Variants in FABP12 observed in about 807,000 individuals in gnomAD.
FABP12 encodes the protein fatty acid binding protein 12.
FABP12 carries 19 observed loss-of-function variants against 13.7 expected under a neutral mutation model. That is an observed-to-expected ratio of 1.39 (90% CI 0.97 to 2.04). The LOEUF is 2.04. FABP12 is among the 30% of genes most tolerant of loss of function. FABP12 has a pLI of 0.00. For synonymous variants in FABP12, 61 were observed against 57.0 expected, an observed-to-expected ratio of 1.07 and a Z score of -0.32; for missense variants, 182 against 164.2, an observed-to-expected ratio of 1.11 and a Z score of -0.59.
At chr8:81,547,364 GTC>G (rs1563548575) in intron 1 of FABP12, among the ~76,000 whole-genome samples, 1 of 152,136 alleles carries the variant, frequency 6.6e-6, no homozygotes, top group Non-Finnish European at 1.5e-5. Context: ...GACCTTTAAG[GTC>G]TCTGAGAGTC....
At chr8:81,528,805 G>T (rs9298367) in intron 3 of FABP12, among the ~76,000 whole-genome samples, 42,061 of 151,986 alleles carry the variant, frequency 0.28, 7,640 homozygotes, top group African/African-American at 0.53. Flanking sequence ...CTTTCAGGGT[G>T]AGACAATAAA....
In FABP12 at chr8:81,550,550, T is replaced by C. The variant is rs548793108; in HGVS notation, c.-184-10807A>G. ...TTCATTTCATGAGTATGTTCGAATC[T>C]CTACTAAGAACAAGGTTGGGTAAGG... On this transcript the variant is annotated intron_variant, in intron 1 of 5. Coordinates refer to the FABP12 transcript ENST00000692030. 3.3e-5 allele frequency among the ~76,000 whole-genome samples: 5 copies of C among 152,280 alleles called. No homozygotes were observed. The South Asian group carries it at 1.0e-3, about 32-fold the overall frequency.
chr8:81,534,170 C>T (rs1809164403), upstream of FABP12, among the ~76,000 whole-genome samples: 1 of 152,060 alleles, frequency 6.6e-6, no homozygotes, highest in Non-Finnish European at 1.5e-5. Context: ...TTTCCTCTCA[C>T]TAACACCTCC....
intron 1 of FABP12, among the ~76,000 whole-genome samples, chr8:81,557,006 C>T (rs954494058): frequency 1.3e-5 from 2 of 150,510 alleles, no homozygotes; most frequent in Non-Finnish European, 2.9e-5. Context: ...TCTTGGGTAG[C>T]TGGGATTACA....
chr8:81,579,435 G>C (rs571096439), intron 1 of FABP12, among the ~76,000 whole-genome samples: 1 of 152,244 alleles, frequency 6.6e-6, no homozygotes, highest in Non-Finnish European at 1.5e-5. Flanking sequence ...AAATATGTAG[G>C]TGCTTTGGAC....
intron 1 of FABP12, among the ~76,000 whole-genome samples, chr8:81,553,156 A>G (rs1204195026): frequency 1.3e-5 from 2 of 152,212 alleles, no homozygotes; most frequent in Non-Finnish European, 1.5e-5. Context: ...AGAGACCTAG[A>G]GAAGAAGGGA....
chr8:81,576,775 T>C (rs1028582176), intron 1 of FABP12, among the ~76,000 whole-genome samples: 5 of 152,222 alleles, frequency 3.3e-5, no homozygotes, highest in Non-Finnish European at 7.3e-5. Context: ...TCATGCTATA[T>C]GTTTATCATG....
At chr8:81,552,447 C>T (rs1809536786) in intron 1 of FABP12, among the ~76,000 whole-genome samples, 1 of 152,140 alleles carries the variant, frequency 6.6e-6, no homozygotes. Flanking sequence ...AAGAGATTTA[C>T]ACTGGGGAGT....
intron 1 of FABP12, among the ~76,000 whole-genome samples, chr8:81,564,494 C>A (rs1809782133): frequency 6.6e-6 from 1 of 151,822 alleles, no homozygotes; most frequent in Non-Finnish European, 1.5e-5. Flanking sequence ...AAGATAGAGA[C>A]AATACAATAA....
intron 1 of FABP12, among the ~76,000 whole-genome samples, chr8:81,568,835 T>C (rs549405498): frequency 2.4e-4 from 36 of 152,332 alleles, no homozygotes; most frequent in Admixed American, 3.9e-4. Context: ...GAGTACATTA[T>C]GTTAAGTGAA....
intron 1 of FABP12, among the ~76,000 whole-genome samples, chr8:81,566,822 G>A (rs1451075908): frequency 6.6e-6 from 1 of 152,058 alleles, no homozygotes; most frequent in Non-Finnish European, 1.5e-5. Context: ...AATCAGACGG[G>A]AGAAAGAAAT....
intron 1 of FABP12, among the ~76,000 whole-genome samples, chr8:81,560,836 C>G (rs1809711263): frequency 6.6e-6 from 1 of 152,186 alleles, no homozygotes; most frequent in African/African-American, 2.4e-5. Flanking sequence ...AGTCCATGCT[C>G]TTAATCCTTA....
chr8:81,563,765 G>T (rs2048129568), intron 1 of FABP12, among the ~76,000 whole-genome samples: 1 of 151,982 alleles, frequency 6.6e-6, no homozygotes, highest in African/African-American at 2.4e-5. Context: ...GAATAATAAA[G>T]AAAGAAACAC....
At chr8:81,557,746 C>T (rs1180950101) in intron 1 of FABP12, among the ~76,000 whole-genome samples, 1 of 152,112 alleles carries the variant, frequency 6.6e-6, no homozygotes, top group Non-Finnish European at 1.5e-5. Flanking sequence ...TTTCCTATAG[C>T]GAGTCTTTTA....
chr8:81,563,530 C>A (rs79005042), intron 1 of FABP12, among the ~76,000 whole-genome samples: 4,355 of 152,152 alleles, frequency 0.029, 99 homozygotes, highest in Middle Eastern at 0.082. Flanking sequence ...CAATGAAATT[C>A]AAGATAACAC....
intron 1 of FABP12, among the ~76,000 whole-genome samples, chr8:81,547,965 A>C (rs976655444): frequency 3.9e-5 from 6 of 152,216 alleles, no homozygotes; most frequent in Non-Finnish European, 8.8e-5. Flanking sequence ...AAAATGATCA[A>C]ATATTTGACC....
At chr8:81,536,250 T>A (rs1191974758), upstream of FABP12, among the ~76,000 whole-genome samples, 2 of 152,182 alleles carry the variant, frequency 1.3e-5, no homozygotes, top group African/African-American at 4.8e-5. Context: ...CGGAACATAA[T>A]TATCTGTTGC....
chr8:81,566,540 C>T (rs767483339), intron 1 of FABP12, among the ~76,000 whole-genome samples: 2 of 151,990 alleles, frequency 1.3e-5, no homozygotes, highest in Non-Finnish European at 2.9e-5. Context: ...TGTGGTACAT[C>T]CTATCAATAG....
At chr8:81,541,683 A>G (rs141161388) in intron 1 of FABP12, among the ~76,000 whole-genome samples, 22 of 152,188 alleles carry the variant, frequency 1.4e-4, no homozygotes, top group African/African-American at 4.8e-4. Context: ...TCTTGCTGAC[A>G]GTCAACCTGC....
Sources: allele counts gnomAD v4.1 joint callset (sites outside exome capture counted in the v4.1 genomes callset), GRCh38; gene constraint gnomAD v4.1.1; transcripts MANE v1.5; gene names NCBI Gene and HGNC (gene_info 2026-07-23, HGNC 2026-07-21).